The following ITGB3BP variants were observed in gnomAD, a reference collection of about 807,000 sequenced individuals.
ITGB3BP encodes integrin subunit beta 3 binding protein, also known as centromere protein R.
In ITGB3BP, 27 loss-of-function variants were observed where a neutral mutation model predicts 29.1. The ratio of observed to expected loss-of-function variants is 0.93; its 90% CI spans 0.68 to 1.28. The LOEUF is 1.28. Among genes scored for constraint, ITGB3BP ranks in the 50% most tolerant of loss-of-function variants. The pLI is 0.00. For synonymous variants in ITGB3BP, 61 were observed against 61.4 expected (o/e 0.99, Z 0.03); for missense variants, 192 against 200.2 (o/e 0.96, Z 0.25).
intron 4 of ITGB3BP, among the ~76,000 whole-genome samples, chr1:63,477,719 G>GAA (rs536399172): frequency 7.2e-6 from 1 of 138,042 alleles, no homozygotes; most frequent in Admixed American, 7.3e-5. Context: ...GACAATCAGG[G>GAA]AAAAAAAAAA....
At chr1:63,463,479 G>A (rs2100547174) in intron 4 of ITGB3BP, among the ~76,000 whole-genome samples, 1 of 152,262 alleles carries the variant, frequency 6.6e-6, no homozygotes, top group South Asian at 2.1e-4. Flanking sequence ...CTACAGTTTT[G>A]TAAGATGTTA....
Position 63,471,642 on chromosome 1 carries a change from T to C in ITGB3BP, c.254+7122A>G, listed in dbSNP as rs142295788. ...CATGGTGTGAGGGTAAGGGTCCAGATAAAATTTTTCCCATGCTGATAACAA... is the reference window on the plus strand; with the variant it reads ...CATGGTGTGAGGGTAAGGGTCCAGACAAAATTTTTCCCATGCTGATAACAA... On this transcript the variant is annotated intron_variant, in intron 4 of 8. Coordinates refer to ENST00000271002, the MANE Select transcript of ITGB3BP (RefSeq NM_014288.5). Among the ~76,000 whole-genome samples the C allele has an allele frequency of 1.6e-3, 243 of 152,320 alleles. 1 individual carries two copies. The highest frequency in any genetic ancestry group is 5.7e-3 in the African/African-American group (237 of 41,580).
chr1:63,460,843 TG>T (rs2100534143), intron 4 of ITGB3BP, among the ~76,000 whole-genome samples: 1 of 152,310 alleles, frequency 6.6e-6, no homozygotes, highest in Non-Finnish European at 1.5e-5. Context: ...AGGTTTAAGA[TG>T]TAAGGTCTCA....
At chr1:63,489,128 C>A (rs1000534781) in intron 3 of ITGB3BP, among the ~76,000 whole-genome samples, 1 of 151,410 alleles carries the variant, frequency 6.6e-6, no homozygotes, top group Non-Finnish European at 1.5e-5. Flanking sequence ...GGAAAGAGAA[C>A]CTAATAGTAA....
At chr1:63,470,960 T>A (rs1280250523) in intron 4 of ITGB3BP, among the ~76,000 whole-genome samples, 1 of 152,220 alleles carries the variant, frequency 6.6e-6, no homozygotes, top group East Asian at 1.9e-4. Flanking sequence ...AGCATTCTAG[T>A]GAGGATGTAG....
At chr1:63,444,055 G>A (rs1158944574) in intron 8 of ITGB3BP, among the ~76,000 whole-genome samples, 1 of 152,148 alleles carries the variant, frequency 6.6e-6, no homozygotes, top group Non-Finnish European at 1.5e-5. Context: ...ATGCCTCAAA[G>A]GTGAAGTCAC....
chr1:63,446,628 C>T, intron 8 of ITGB3BP, 178 bp downstream of exon 8: 1 of 575,910 alleles, frequency 1.7e-6, no homozygotes, highest in East Asian at 2.8e-5. Context: ...TGTCAGATGC[C>T]CTCCTGTTGT....
In ITGB3BP at chr1:63,440,787, C is replaced by CTTTAT. The variant is rs1243694412; in HGVS notation, c.*313_*317dup. 6.6e-6 allele frequency: 1 copy of CTTTAT among 152,590 alleles called. No homozygotes were observed. The highest frequency in any genetic ancestry group is 1.5e-5 in the Non-Finnish European group (1 of 68,030). The allele number at this position is 152,590 out of a possible 1,614,324, so 9.5% of individuals were successfully genotyped here. Reference sequence around the variant, plus strand: ...ACCAAAGGTGCCACTTTTATACATGCTTTATTAAGTCTACCCACAAATGCT... The same window carrying CTTTAT: ...ACCAAAGGTGCCACTTTTATACATGCTTTATTTTATTAAGTCTACCCACAAATGCT... On this transcript the variant is annotated 3_prime_UTR_variant, in exon 9 of 9. Transcript: ENST00000271002.
intron 4 of ITGB3BP, among the ~76,000 whole-genome samples, chr1:63,476,170 C>T (rs1557627524): frequency 2.1e-5 from 3 of 145,538 alleles, no homozygotes; most frequent in Non-Finnish European, 4.6e-5. Context: ...GATAGAAATA[C>T]TTTTTTTTTT....
chr1:63,473,324 AC>A (rs1339078904), intron 4 of ITGB3BP, among the ~76,000 whole-genome samples: 2 of 146,452 alleles, frequency 1.4e-5, no homozygotes, highest in Non-Finnish European at 3.0e-5. Context: ...CCCGGCAGCC[AC>A]CCCGTCCGGG....
At position 63,446,864 on chromosome 1, in the gene ITGB3BP, A is replaced by C. The variant is rs762484859; in HGVS notation, c.485-8T>G. 1.2e-6 allele frequency: 2 copies of C among 1,603,306 alleles called. No individual in the cohort carries two copies. The highest frequency in any genetic ancestry group is 1.7e-5 in the Admixed American group (1 of 58,870). ...TGTCAAGATGACGTGATGCTATATG[A>C]AAGAAGAAAGGTTTTTTTTTTCAGA... On this transcript the variant is annotated splice_polypyrimidine_tract_variant and splice_region_variant and intron_variant, in intron 7 of 8. Transcript: ENST00000271002.
At chr1:63,485,919 C>T (rs9436678) in intron 3 of ITGB3BP, among the ~76,000 whole-genome samples, 51,353 of 151,642 alleles carry the variant, frequency 0.34, 8,918 homozygotes, top group East Asian at 0.48. Flanking sequence ...TTTTACTTTA[C>T]CCTGCCCAGA....
chr1:63,528,620 T>G (rs183498421), intron 2 of ITGB3BP, among the ~76,000 whole-genome samples: 22 of 152,264 alleles, frequency 1.4e-4, no homozygotes, highest in Admixed American at 3.3e-4. Flanking sequence ...ACAGATACCC[T>G]ATTTACCCTG....
chr1:63,496,898 G>A (rs964251827), intron 2 of ITGB3BP, among the ~76,000 whole-genome samples: 1 of 152,178 alleles, frequency 6.6e-6, no homozygotes, highest in Admixed American at 6.5e-5. Context: ...AGAGGAACAA[G>A]GTTAGATGAA....
At chr1:63,519,472 A>G (rs1475881963) in intron 1 of ITGB3BP, among the ~76,000 whole-genome samples, 1 of 152,102 alleles carries the variant, frequency 6.6e-6, no homozygotes, top group Admixed American at 6.5e-5. Context: ...CGCTCAGCCA[A>G]AAAGGCTCTA....
At chr1:63,513,582 G>A (rs1275400962) in intron 1 of ITGB3BP, among the ~76,000 whole-genome samples, 3 of 151,978 alleles carry the variant, frequency 2.0e-5, no homozygotes, top group Admixed American at 6.6e-5. Flanking sequence ...TTACGTCATC[G>A]CTTACAGTCT....
At chr1:63,451,270 A>G (rs1644856088) in intron 7 of ITGB3BP, among the ~76,000 whole-genome samples, 1 of 151,928 alleles carries the variant, frequency 6.6e-6, no homozygotes, top group African/African-American at 2.4e-5. Context: ...ATAGTGAAAC[A>G]AGTAATTGGC....
chr1:63,494,781 A>C (rs1319804718), intron 2 of ITGB3BP, among the ~76,000 whole-genome samples: 1 of 152,192 alleles, frequency 6.6e-6, no homozygotes, highest in East Asian at 1.9e-4. Context: ...TAAAAGTATC[A>C]TTACTGTCAT....
At chr1:63,441,630 TGAGATAC>T (rs1206716137) in intron 8 of ITGB3BP, among the ~76,000 whole-genome samples, 1 of 152,130 alleles carries the variant, frequency 6.6e-6, no homozygotes, top group Non-Finnish European at 1.5e-5. Context: ...CATACTTACA[TGAGATAC>T]TTCTCAGAGA....
Sources: gnomAD v4.1 joint callset for allele counts (sites outside exome capture counted in the v4.1 genomes callset) on GRCh38, gnomAD v4.1.1 for gene constraint, MANE v1.5 for transcripts, NCBI Gene and HGNC (gene_info 2026-07-23, HGNC 2026-07-21) for gene names.